Variants in PDZD2 observed in about 807,000 individuals in gnomAD.
PDZD2 encodes the protein PDZ domain containing 2, also known as PDZ domain-containing protein 2.
A neutral mutation model predicts 220.7 loss-of-function variants in PDZD2; 90 were observed. The observed-to-expected ratio is 0.41, with a 90% confidence interval of 0.34 to 0.49. The LOEUF (loss-of-function observed/expected upper bound fraction) is 0.49. PDZD2 is among the 20% of genes least tolerant of loss of function. The pLI, the probability that PDZD2 is intolerant of heterozygous loss-of-function variation, is 0.28. For synonymous variants in PDZD2, 1,375 were observed against 1,450.5 expected (o/e 0.95, Z 1.18); for missense variants, 3,174 against 3,608.5 (o/e 0.88, Z 3.08).
intron 1 of PDZD2, among the ~76,000 whole-genome samples, chr5:31,686,527 C>A (rs944070338): frequency 2.0e-5 from 3 of 152,056 alleles, no homozygotes; most frequent in Non-Finnish European, 1.5e-5. Flanking sequence ...CCACACCTGG[C>A]TGAATTTTTT....
intron 1 of PDZD2, among the ~76,000 whole-genome samples, chr5:31,698,081 T>G (rs1561390426): frequency 6.8e-6 from 1 of 146,818 alleles, no homozygotes; most frequent in Non-Finnish European, 1.5e-5. Flanking sequence ...TTTTTTTTTG[T>G]ATTTTTTAGT....
chr5:31,787,433 C>T (rs1753443237), intron 1 of PDZD2, among the ~76,000 whole-genome samples: 1 of 152,290 alleles, frequency 6.6e-6, no homozygotes, highest in Admixed American at 6.5e-5. Flanking sequence ...AGGTAGGGAA[C>T]AGAAATAACT....
chr5:32,003,101 C>G (rs1245713406), intron 5 of PDZD2, among the ~76,000 whole-genome samples: 2 of 131,760 alleles, frequency 1.5e-5, no homozygotes, highest in Admixed American at 8.0e-5. Context: ...TCCACACACA[C>G]ACCCCACAAA....
At chr5:31,918,269 C>A (rs886616586) in intron 2 of PDZD2, among the ~76,000 whole-genome samples, 3 of 152,182 alleles carry the variant, frequency 2.0e-5, no homozygotes, top group Non-Finnish European at 4.4e-5. Flanking sequence ...AAATCCAAAC[C>A]ATATCAAGAC....
chr5:31,813,646 A>G (rs1054671593), intron 2 of PDZD2, among the ~76,000 whole-genome samples: 17 of 152,214 alleles, frequency 1.1e-4, no homozygotes, highest in Admixed American at 9.8e-4. Flanking sequence ...ACCAGTAGAA[A>G]AACAGCCTTC....
At chr5:31,733,151 C>T (rs1561415807) in intron 1 of PDZD2, among the ~76,000 whole-genome samples, 1 of 152,156 alleles carries the variant, frequency 6.6e-6, no homozygotes, top group Non-Finnish European at 1.5e-5. Context: ...GCCAAACTTA[C>T]CTGTGCTGTT....
chr5:32,091,257 GAT>G, intron 20 of PDZD2, 82 bp downstream of exon 20: 1 of 741,462 alleles, frequency 1.3e-6, no homozygotes, highest in South Asian at 2.6e-5. Flanking sequence ...AAGTTGCAAA[GAT>G]AATGCAGAGT....
chr5:32,070,384 A>C (rs1280326121), intron 15 of PDZD2, among the ~76,000 whole-genome samples: 2 of 152,212 alleles, frequency 1.3e-5, no homozygotes, highest in Admixed American at 1.3e-4. Flanking sequence ...AAGTGGACAT[A>C]GCCATCATAG....
At chr5:32,009,119 C>T (rs867855854) in intron 5 of PDZD2, among the ~76,000 whole-genome samples, 7 of 151,810 alleles carry the variant, frequency 4.6e-5, no homozygotes, top group African/African-American at 1.7e-4. Flanking sequence ...CCAAGGCAGG[C>T]AGATCACGAG....
intron 2 of PDZD2, among the ~76,000 whole-genome samples, chr5:31,891,468 A>G (rs1476083170): frequency 6.6e-6 from 1 of 152,160 alleles, no homozygotes; most frequent in African/African-American, 2.4e-5. Flanking sequence ...GGCATGTGCC[A>G]CCACGCCCAG....
intron 1 of PDZD2, chr5:31,725,935 C>G: frequency 1.5e-6 from 1 of 662,822 alleles, no homozygotes; most frequent in Non-Finnish European, 2.7e-6. Flanking sequence ...GCCTGGGTCT[C>G]CACTCTCTGC....
At chr5:31,949,668 CTTTT>C (rs5867121) in intron 2 of PDZD2, among the ~76,000 whole-genome samples, 1 of 127,896 alleles carries the variant, frequency 7.8e-6, no homozygotes, top group Non-Finnish European at 1.6e-5. Flanking sequence ...CCATTTTTAG[CTTTT>C]TTTTTTTTTT....
chr5:32,069,263 C>CAAAAAAAAAAAAAAAA (rs11361686), intron 14 of PDZD2, among the ~76,000 whole-genome samples: 1 of 99,360 alleles, frequency 1.0e-5, no homozygotes. Flanking sequence ...GACTCTGTCT[C>CAAAAAAAAAAAAAAAA]AAAAAAAAAA....
intron 2 of PDZD2, among the ~76,000 whole-genome samples, chr5:31,882,938 G>A (rs988130633): frequency 9.7e-5 from 14 of 144,252 alleles, no homozygotes; most frequent in Non-Finnish European, 1.5e-4. Context: ...GCTGAGGCAC[G>A]AGAATCGCTT....
intron 7 of PDZD2, among the ~76,000 whole-genome samples, chr5:32,045,545 C>T (rs1737847801): frequency 1.3e-5 from 2 of 151,212 alleles, no homozygotes; most frequent in South Asian, 4.2e-4. Context: ...CTCAGCCTCC[C>T]GTGTAGCTGG....
intron 2 of PDZD2, among the ~76,000 whole-genome samples, chr5:31,880,290 T>G (rs1739749952): frequency 6.6e-6 from 1 of 152,162 alleles, no homozygotes; most frequent in South Asian, 2.1e-4. Flanking sequence ...GAAACTCCAT[T>G]AAGATTTTTC....
chr5:31,686,518 C>A (rs1746872631), intron 1 of PDZD2, among the ~76,000 whole-genome samples: 1 of 152,052 alleles, frequency 6.6e-6, no homozygotes, highest in African/African-American at 2.4e-5. Context: ...CACCCACCAC[C>A]ACACCTGGCT....
chr5:31,853,451 C>G (rs1758178511), intron 2 of PDZD2, among the ~76,000 whole-genome samples: 1 of 152,194 alleles, frequency 6.6e-6, no homozygotes, highest in African/African-American at 2.4e-5. Context: ...TTGCCTGTTT[C>G]TGGGTTGGCT....
intron 2 of PDZD2, among the ~76,000 whole-genome samples, chr5:31,799,975 G>T (rs1754300005): frequency 6.6e-6 from 1 of 152,068 alleles, no homozygotes; most frequent in South Asian, 2.1e-4. Flanking sequence ...GAGGCTCCCA[G>T]ACTCACAGTC....
Sources: allele counts gnomAD v4.1 joint callset (sites outside exome capture counted in the v4.1 genomes callset), GRCh38; gene constraint gnomAD v4.1.1; transcripts MANE v1.5; gene names NCBI Gene and HGNC (gene_info 2026-07-23, HGNC 2026-07-21).